The following VIRMA variants were observed in gnomAD, a reference collection of about 807,000 sequenced individuals.
VIRMA encodes vir like m6A methyltransferase associated.
VIRMA carries 65 observed loss-of-function variants against 182.4 expected under a neutral mutation model. The observed-to-expected ratio is 0.36, with a 90% CI of 0.29 to 0.44. The LOEUF is 0.44. VIRMA is among the 20% of genes least tolerant of loss of function. The pLI is 1.00. For missense variants in VIRMA, 1,752 were observed against 2,158.1 expected (o/e 0.81, Z 3.73); for synonymous variants, 709 against 743.1 (o/e 0.95, Z 0.75).
chr8:94,497,059 G>A (rs1292331720), intron 17 of VIRMA: 1 of 152,132 alleles, frequency 6.6e-6, no homozygotes, highest in African/African-American at 2.4e-5. Context: ...TATGGTAGAG[G>A]GCCGTATGCC....
intron 6 of VIRMA, among the ~76,000 whole-genome samples, chr8:94,530,077 C>G (rs1367394793): frequency 1.3e-5 from 2 of 152,184 alleles, no homozygotes; most frequent in Non-Finnish European, 2.9e-5. Flanking sequence ...GCATGAGCCA[C>G]CACACCCAGC....
At chr8:94,491,966 A>T in intron 21 of VIRMA, 57 bp from the exon 22 acceptor site, 1 of 1,329,594 alleles carries the variant, frequency 7.5e-7, no homozygotes, top group Non-Finnish European at 1.0e-6. Flanking sequence ...TAGCAAAAAT[A>T]ATCTTTATAA....
In VIRMA at chr8:94,492,782, A is replaced by T. The variant is rs746337754; in HGVS notation, c.4678T>A (p.Cys1560Ser). 1.2e-6 allele frequency: 2 copies of T among 1,613,932 alleles called. No individual in the cohort carries two copies. Among genetic ancestry groups the T allele is most frequent in the South Asian group, 1.1e-5 (1 of 91,032 alleles). Residue 1560 changes from cysteine (C) to serine (S), a missense_variant, in exon 21 of 24, where the codon TGT becomes AGT. By Grantham distance (112) the Cys-to-Ser change is moderately radical. Transcript: ENST00000297591. ...TCTGAGTGCAAATCAAAGTCACTAC[A>T]GCATTTTTCAGAGAGTTCAATTAAG... ...VDLIELSEKCCSDFDLHSELE... is the reference protein window; with the variant it reads ...VDLIELSEKCSSDFDLHSELE...
chr8:94,552,112 A>G (rs17716313), intron 1 of VIRMA, among the ~76,000 whole-genome samples: 28,900 of 152,234 alleles, frequency 0.19, 3,185 homozygotes, highest in South Asian at 0.32. Flanking sequence ...AATCTCGGCT[A>G]GAATGTTAGA....
rs1362927057 is a variant in VIRMA, at chr8:94,528,468, T to C, written c.880+602A>G. Among the ~76,000 whole-genome samples, 5 of 152,336 alleles carry C rather than the reference T, an allele frequency of 3.3e-5. No homozygotes were observed. In the East Asian group the frequency reaches 7.7e-4, roughly 24 times the overall value. ...AAAAGCCAAGGCAGATTATCTGTTA[T>C]TCTGCATAAATGCTTTAACATTAAA... is the stretch of plus-strand genomic sequence containing the variant. On this transcript the variant is annotated intron_variant, in intron 7 of 23. Coordinates refer to ENST00000297591, the MANE Select transcript of VIRMA (RefSeq NM_015496.5).
Position 94,510,600 on chromosome 8 carries a change from C to T in VIRMA, c.3443G>A (p.Ser1148Asn). The change falls in exon 14 of 24, where the codon AGC becomes AAC. Residue 1148 changes from serine (S) to asparagine (N), a missense_variant. Ser to Asn is a conservative substitution (Grantham distance 46). Transcript: ENST00000297591. ...CTTTGCTTGAACATGAAGGTGCATGCTCCACAATTTTCGGGTGTTGAGTGC... is the reference window on the plus strand; with the variant it reads ...CTTTGCTTGAACATGAAGGTGCATGTTCCACAATTTTCGGGTGTTGAGTGC... ...SVALNTRKLW[S>N]MHLHVQAKLL... 3 of 1,614,110 alleles carry T rather than the reference C, an allele frequency of 1.9e-6. No homozygotes were observed. Among genetic ancestry groups the T allele is most frequent in the Non-Finnish European group, 2.5e-6 (3 of 1,179,994 alleles).
At position 94,509,953 on chromosome 8, in the gene VIRMA, C is replaced by G; in HGVS notation, c.3627-13G>C. Reference sequence around the variant, plus strand: ...ATCTTCTGAAGTGCTGAAATAAAATCGATACATTTAGTAAACAAAGTTCTT... The same window carrying G: ...ATCTTCTGAAGTGCTGAAATAAAATGGATACATTTAGTAAACAAAGTTCTT... On this transcript the variant is annotated splice_polypyrimidine_tract_variant and intron_variant, in intron 14 of 23. Coordinates refer to ENST00000297591, the MANE Select transcript of VIRMA (RefSeq NM_015496.5). The G allele has an allele frequency of 6.3e-7, 1 of 1,591,356 alleles. No homozygotes were observed. The highest frequency in any genetic ancestry group is 8.5e-7 in the Non-Finnish European group (1 of 1,170,696).
At chr8:94,535,720 C>T (rs1414882086) in intron 4 of VIRMA, among the ~76,000 whole-genome samples, 1 of 150,930 alleles carries the variant, frequency 6.6e-6, no homozygotes, top group African/African-American at 2.4e-5. Context: ...GCGGAGGCTG[C>T]AGTGAGCCAA....
intron 11 of VIRMA, among the ~76,000 whole-genome samples, chr8:94,514,207 C>A (rs1450356717): frequency 6.6e-6 from 1 of 152,158 alleles, no homozygotes; most frequent in Admixed American, 6.6e-5. Flanking sequence ...CTAACTTGAA[C>A]TTTTTATGTG....
intron 1 of VIRMA, among the ~76,000 whole-genome samples, chr8:94,550,780 G>A (rs766013015): frequency 9.9e-5 from 15 of 151,750 alleles, no homozygotes; most frequent in Non-Finnish European, 1.3e-4. Flanking sequence ...GTGCAGTGGC[G>A]TGATCTTGGC....
intron 10 of VIRMA, among the ~76,000 whole-genome samples, chr8:94,515,443 C>G (rs927723596): frequency 2.0e-5 from 3 of 152,046 alleles, no homozygotes; most frequent in African/African-American, 7.2e-5. Context: ...GTGATCACGG[C>G]TCACTGCAGT....
chr8:94,542,163 T>C (rs571089884), intron 2 of VIRMA, among the ~76,000 whole-genome samples: 2 of 152,306 alleles, frequency 1.3e-5, no homozygotes, highest in East Asian at 1.9e-4. Context: ...TCCCACACTA[T>C]AGCAGCAGAA....
chr8:94,544,103 A>G (rs931876852), intron 1 of VIRMA, among the ~76,000 whole-genome samples, 161 bp from the exon 2 acceptor site: 1 of 152,200 alleles, frequency 6.6e-6, no homozygotes, highest in African/African-American at 2.4e-5. Context: ...TAAATAGCTG[A>G]TAAGATGTAC....
At chr8:94,518,897 A>G (rs1038264000) in intron 9 of VIRMA, 88 bp downstream of exon 9, 6 of 1,247,198 alleles carry the variant, frequency 4.8e-6, no homozygotes, top group Admixed American at 4.7e-5. Flanking sequence ...TTCCCTCTCA[A>G]AATAACACCT....
chr8:94,503,221 A>G (rs79422875), intron 16 of VIRMA, among the ~76,000 whole-genome samples: 3,391 of 152,336 alleles, frequency 0.022, 114 homozygotes, highest in African/African-American at 0.077. Context: ...TGTGGATATC[A>G]TAATATCTCA....
At chr8:94,502,257 G>A (rs1814013840) in intron 16 of VIRMA, among the ~76,000 whole-genome samples, 1 of 151,914 alleles carries the variant, frequency 6.6e-6, no homozygotes, top group South Asian at 2.1e-4. Context: ...AGAAGTGCTT[G>A]AGCCCGGGAG....
chr8:94,489,326 T>A lies in VIRMA; in HGVS notation c.5285-466A>T, dbSNP rs762063960. On this transcript the variant is annotated intron_variant, in intron 23 of 23. Transcript: ENST00000297591. ...CATCACCATGAAACTGTTCAGATTA[T>A]ACAAACAGTTCAGAAACTAAAAATT... 2.6e-4 allele frequency among the ~76,000 whole-genome samples: 40 copies of A among 152,346 alleles called. 1 individual carries two copies. The highest frequency in any genetic ancestry group is 3.4e-3 in the Middle Eastern group (1 of 294).
chr8:94,494,714 G>A, intron 20 of VIRMA, 146 bp downstream of exon 20: 1 of 525,936 alleles, frequency 1.9e-6, no homozygotes, highest in Non-Finnish European at 3.3e-6. Flanking sequence ...GCCATGAAGT[G>A]GGCAAGTGGC....
At position 94,526,794 on chromosome 8, in the gene VIRMA, T is replaced by C. The variant is rs1476994906; in HGVS notation, c.1450A>G (p.Ser484Gly). 5.6e-6 allele frequency: 9 copies of C among 1,614,124 alleles called. No homozygotes were observed. The highest frequency in any genetic ancestry group is 1.3e-5 in the African/African-American group (1 of 75,062). The change falls in exon 8 of 24, where the codon AGT becomes GGT. Residue 484 changes from serine (S) to glycine (G), a missense_variant. Transcript: ENST00000297591. ...VTGLLQAGVI[S>G]GLFELLFADH... is the part of the protein sequence containing the mutation. ...GCAAACAGAAGTTCAAATAATCCAC[T>C]GATCACTCCTGCTTGTAGCAGTCCT... is the stretch of plus-strand genomic sequence containing the variant.
Sources: gnomAD v4.1 joint callset for allele counts (sites outside exome capture counted in the v4.1 genomes callset) on GRCh38, gnomAD v4.1.1 for gene constraint, MANE v1.5 for transcripts, NCBI Gene and HGNC (gene_info 2026-07-23, HGNC 2026-07-21) for gene names.